Variants in CSMD1 observed in about 807,000 individuals in gnomAD.
CSMD1 encodes CUB and Sushi multiple domains 1.
A neutral mutation model predicts 417.5 loss-of-function variants in CSMD1; 213 were observed. The ratio of observed to expected loss-of-function variants is 0.51; its 90% CI spans 0.46 to 0.57. CSMD1 has a LOEUF of 0.57. Among genes scored for constraint, CSMD1 ranks in the 20% least tolerant of loss-of-function variants. The pLI is 0.00. For missense variants in CSMD1, 6,923 were observed against 4,529.7 expected, an observed-to-expected ratio of 1.53 and a Z score of -15.17; for synonymous variants, 2,862 against 1,736.8, an observed-to-expected ratio of 1.65 and a Z score of -16.11.
chr8:3,523,504 G>A (rs937351251), intron 10 of CSMD1, among the ~76,000 whole-genome samples: 2 of 152,062 alleles, frequency 1.3e-5, no homozygotes, highest in Non-Finnish European at 1.5e-5. Context: ...GCAGCAGAAA[G>A]GTGATCTGAC....
intron 63 of CSMD1, 143 bp downstream of exon 63, chr8:2,957,553 G>A: frequency 1.7e-6 from 1 of 602,592 alleles, no homozygotes; most frequent in South Asian, 1.9e-5. Flanking sequence ...CCAGTTCTAG[G>A]GAACCAAACT....
intron 49 of CSMD1, among the ~76,000 whole-genome samples, chr8:3,081,186 A>C (rs1225416932): frequency 3.3e-5 from 5 of 152,216 alleles, no homozygotes; most frequent in Admixed American, 2.6e-4. Context: ...GCCAGGTTTG[A>C]TCTTGCTCAT....
intron 13 of CSMD1, among the ~76,000 whole-genome samples, chr8:3,408,849 T>C (rs909461058): frequency 6.6e-6 from 1 of 152,180 alleles, no homozygotes; most frequent in African/African-American, 2.4e-5. Context: ...ATCTCTAGAA[T>C]ACATTTTTGC....
At chr8:4,856,495 A>T (rs1408202476) in intron 1 of CSMD1, among the ~76,000 whole-genome samples, 1 of 139,620 alleles carries the variant, frequency 7.2e-6, no homozygotes, top group East Asian at 2.1e-4. Context: ...GTCAACACCC[A>T]TCAGTGTGCT....
intron 3 of CSMD1, among the ~76,000 whole-genome samples, chr8:4,075,079 T>G (rs1282213826): frequency 1.3e-5 from 2 of 152,180 alleles, no homozygotes; most frequent in African/African-American, 4.8e-5. Context: ...GAATAATATT[T>G]CTTCAGTATT....
chr8:3,175,737 C>T (rs556414694), intron 37 of CSMD1, among the ~76,000 whole-genome samples: 4 of 152,074 alleles, frequency 2.6e-5, no homozygotes, highest in African/African-American at 9.7e-5. Context: ...TACTGCTGGG[C>T]TACTATGTAA....
At chr8:3,274,982 T>C (rs1326142180) in intron 26 of CSMD1, among the ~76,000 whole-genome samples, 1 of 152,060 alleles carries the variant, frequency 6.6e-6, no homozygotes, top group African/African-American at 2.4e-5. Context: ...TGATGTTAGC[T>C]GGTTATTTTG....
chr8:3,459,808 T>C (rs1816385476), intron 12 of CSMD1, among the ~76,000 whole-genome samples: 1 of 152,024 alleles, frequency 6.6e-6, no homozygotes, highest in Admixed American at 6.6e-5. Flanking sequence ...CCAGAAACAG[T>C]CTGTGTTGAC....
intron 5 of CSMD1, among the ~76,000 whole-genome samples, chr8:3,944,692 A>G (rs1811106812): frequency 6.6e-6 from 1 of 152,188 alleles, no homozygotes; most frequent in South Asian, 2.1e-4. Context: ...ATCTATGTTG[A>G]AAATGCCTCA....
chr8:4,341,098 A>T lies in CSMD1; in HGVS notation c.415+78855T>A, dbSNP rs182332108. On this transcript the variant is annotated intron_variant, in intron 3 of 69. Coordinates refer to ENST00000635120, the MANE Select transcript of CSMD1 (RefSeq NM_033225.6). Reference sequence around the variant, plus strand: ...GGGAAAGAATAGTGAGAGAATAGAGATATCTCATTTCCAATACATCGTTGC... The same window carrying T: ...GGGAAAGAATAGTGAGAGAATAGAGTTATCTCATTTCCAATACATCGTTGC... Among the ~76,000 whole-genome samples, 4 of 152,092 alleles carry T rather than the reference A, an allele frequency of 2.6e-5. No homozygotes were observed. In the South Asian group the frequency reaches 8.3e-4, roughly 32 times the overall value.
chr8:4,053,276 T>C (rs533129958), intron 3 of CSMD1, among the ~76,000 whole-genome samples: 8 of 152,334 alleles, frequency 5.3e-5, no homozygotes, highest in Non-Finnish European at 1.0e-4. Flanking sequence ...AGAAAAGTAT[T>C]TTATCACTGA....
At chr8:4,307,332 G>C (rs1055561137) in intron 3 of CSMD1, among the ~76,000 whole-genome samples, 2 of 152,098 alleles carry the variant, frequency 1.3e-5, no homozygotes, top group African/African-American at 4.8e-5. Flanking sequence ...TCCACATTGA[G>C]GCTGAAAATG....
chr8:3,518,661 A>G (rs1797380478), intron 10 of CSMD1, among the ~76,000 whole-genome samples: 1 of 152,214 alleles, frequency 6.6e-6, no homozygotes, highest in Non-Finnish European at 1.5e-5. Context: ...AAATAAAACA[A>G]ATGAGAAACA....
intron 9 of CSMD1, among the ~76,000 whole-genome samples, chr8:3,578,201 A>G (rs1040952065): frequency 6.6e-6 from 1 of 152,218 alleles, no homozygotes; most frequent in Non-Finnish European, 1.5e-5. Flanking sequence ...GCTTTAAAAA[A>G]TTAGGTATTT....
At chr8:3,475,998 C>G (rs1211120859) in intron 11 of CSMD1, among the ~76,000 whole-genome samples, 1 of 152,184 alleles carries the variant, frequency 6.6e-6, no homozygotes, top group East Asian at 1.9e-4. Flanking sequence ...CAAATCTTCC[C>G]TTTGCACCTT....
intron 28 of CSMD1, among the ~76,000 whole-genome samples, chr8:3,220,150 C>CA (rs756296256): frequency 0.022 from 2,544 of 114,124 alleles, 74 homozygotes; most frequent in East Asian, 0.037. Flanking sequence ...AAGACCCTGT[C>CA]AAAAAAAAAA....
intron 25 of CSMD1, among the ~76,000 whole-genome samples, chr8:3,303,682 A>T (rs368839371): frequency 5.4e-4 from 83 of 152,340 alleles, no homozygotes; most frequent in African/African-American, 1.9e-3. Context: ...ATAGCCTTTA[A>T]TGTTGCTAGC....
At chr8:4,072,698 T>G (rs75751205) in intron 3 of CSMD1, among the ~76,000 whole-genome samples, 1 of 152,220 alleles carries the variant, frequency 6.6e-6, no homozygotes, top group Admixed American at 6.5e-5. Context: ...ATTTCAACTC[T>G]GTGAATTGGG....
At chr8:3,292,648 A>AC (rs1174554934) in intron 25 of CSMD1, among the ~76,000 whole-genome samples, 1 of 152,054 alleles carries the variant, frequency 6.6e-6, no homozygotes, top group Non-Finnish European at 1.5e-5. Context: ...TAGGATGGCA[A>AC]CCCCTGCCTT....
Sources: gnomAD v4.1 joint callset for allele counts (sites outside exome capture counted in the v4.1 genomes callset) on GRCh38, gnomAD v4.1.1 for gene constraint, MANE v1.5 for transcripts, NCBI Gene and HGNC (gene_info 2026-07-23, HGNC 2026-07-21) for gene names.